Variants in SORCS3 observed in about 807,000 individuals in gnomAD.
The protein encoded by SORCS3 is VPS10 domain-containing receptor SorCS3.
Under a neutral mutation model 146.3 loss-of-function variants are expected in SORCS3, and 57 were observed. The observed-to-expected ratio is 0.39, with a 90% confidence interval of 0.31 to 0.49. The LOEUF (loss-of-function observed/expected upper bound fraction) is 0.49. SORCS3 is among the 20% of genes least tolerant of loss of function. SORCS3 has a pLI of 0.92. For synonymous variants in SORCS3, 653 were observed against 618.5 expected (o/e 1.06, Z -0.83); for missense variants, 1,341 against 1,575.5 (o/e 0.85, Z 2.52).
chr10:104,762,434 G>C (rs190738057), intron 1 of SORCS3, among the ~76,000 whole-genome samples: 4 of 152,316 alleles, frequency 2.6e-5, no homozygotes, highest in African/African-American at 7.2e-5. Context: ...GCTGGCTGCG[G>C]CATACTACTG....
intron 1 of SORCS3, among the ~76,000 whole-genome samples, chr10:104,731,378 T>C (rs2496021): frequency 0.25 from 38,525 of 152,158 alleles, 5,084 homozygotes; most frequent in South Asian, 0.33. Flanking sequence ...TTAATCTGCA[T>C]CTTCATTTAC....
In SORCS3 at chr10:105,098,078, A is replaced by G. The variant is rs575257356; in HGVS notation, c.1094-7319A>G. ...ATGAGCTTGGCACACAAGTGAAACT[A>G]TTAGCTTTGAAGACTAAACTCTAGG... On this transcript the variant is annotated intron_variant, in intron 6 of 26. Transcript: ENST00000369701. 3.3e-5 allele frequency among the ~76,000 whole-genome samples: 5 copies of G among 152,336 alleles called. No individual in the cohort carries two copies. The East Asian group carries it at 9.6e-4, about 29-fold the overall frequency.
intron 1 of SORCS3, among the ~76,000 whole-genome samples, chr10:104,840,210 A>C (rs1426207724): frequency 1.3e-5 from 2 of 152,154 alleles, no homozygotes; most frequent in African/African-American, 4.8e-5. Flanking sequence ...GAGAGGAAGG[A>C]GAAACTAAGG....
chr10:104,916,010 A>T, intron 3 of SORCS3, 78 bp downstream of exon 3: 1 of 1,082,584 alleles, frequency 9.2e-7, no homozygotes, highest in Non-Finnish European at 1.4e-6. Context: ...TAAGGAAAAA[A>T]CTCAGTTGTC....
chr10:105,212,115 C>T (rs1251758436), intron 17 of SORCS3, among the ~76,000 whole-genome samples: 1 of 152,268 alleles, frequency 6.6e-6, no homozygotes, highest in East Asian at 1.9e-4. Context: ...CTAGTTGTAA[C>T]ATAATCAGTT....
At chr10:105,107,027 G>A (rs2055826772) in intron 7 of SORCS3, among the ~76,000 whole-genome samples, 1 of 152,030 alleles carries the variant, frequency 6.6e-6, no homozygotes, top group South Asian at 2.1e-4. Context: ...AAGTCAGTGA[G>A]CTGTGACCTC....
chr10:104,854,069 C>A (rs532830792), intron 2 of SORCS3, among the ~76,000 whole-genome samples: 1 of 152,140 alleles, frequency 6.6e-6, no homozygotes, highest in Non-Finnish European at 1.5e-5. Context: ...GCTGTCTCCC[C>A]GAATAGCTTT....
chr10:104,828,018 G>A (rs1009454061), intron 1 of SORCS3, among the ~76,000 whole-genome samples: 1 of 152,190 alleles, frequency 6.6e-6, no homozygotes, highest in Non-Finnish European at 1.5e-5. Flanking sequence ...GCTTAAATGA[G>A]TGTTGTGGCT....
chr10:104,684,337 T>G (rs545946536), intron 1 of SORCS3, among the ~76,000 whole-genome samples: 1 of 152,396 alleles, frequency 6.6e-6, no homozygotes, highest in Non-Finnish European at 1.5e-5. Context: ...GGTGCTTTGC[T>G]TCATTTCTTA....
chr10:104,657,655 A>G (rs1459508770), intron 1 of SORCS3, among the ~76,000 whole-genome samples: 1 of 152,186 alleles, frequency 6.6e-6, no homozygotes, highest in East Asian at 1.9e-4. Context: ...TGGCAGGCTA[A>G]TCAGATTCCA....
At chr10:104,994,983 G>T (rs2055015581) in intron 4 of SORCS3, among the ~76,000 whole-genome samples, 1 of 152,098 alleles carries the variant, frequency 6.6e-6, no homozygotes, top group Non-Finnish European at 1.5e-5. Context: ...GATAGAGGTA[G>T]TTTCAAATTT....
chr10:105,047,631 A>T (rs1334224729), intron 5 of SORCS3, among the ~76,000 whole-genome samples: 1 of 152,128 alleles, frequency 6.6e-6, no homozygotes, highest in Non-Finnish European at 1.5e-5. Context: ...AGGCCATGTT[A>T]GGCAATGCAG....
chr10:105,262,208 C>T, intron 25 of SORCS3, 123 bp from the exon 26 acceptor site: 1 of 876,274 alleles, frequency 1.1e-6, no homozygotes, highest in Non-Finnish European at 1.8e-6. Context: ...TTACCAATAT[C>T]TTTCCCTGAC....
At chr10:104,704,118 T>A (rs1278013737) in intron 1 of SORCS3, among the ~76,000 whole-genome samples, 1 of 151,902 alleles carries the variant, frequency 6.6e-6, no homozygotes. Context: ...TGGCCAGTTT[T>A]GGATTTGTTG....
chr10:105,050,036 TACACAC>T (rs35011679), intron 5 of SORCS3, among the ~76,000 whole-genome samples: 27 of 149,318 alleles, frequency 1.8e-4, no homozygotes, highest in African/African-American at 6.1e-4. Flanking sequence ...TATATATACA[TACACAC>T]ACACACACAC....
At chr10:105,111,581 T>A (rs2055859298) in intron 7 of SORCS3, among the ~76,000 whole-genome samples, 1 of 152,244 alleles carries the variant, frequency 6.6e-6, no homozygotes, top group Admixed American at 6.5e-5. Flanking sequence ...GAAATGACCA[T>A]GCAATGTACA....
chr10:104,764,701 G>A (rs915458701), intron 1 of SORCS3, among the ~76,000 whole-genome samples: 1 of 152,140 alleles, frequency 6.6e-6, no homozygotes. Flanking sequence ...CATAGTACTG[G>A]GGTAATGTTT....
chr10:105,083,048 T>C (rs1371355957), intron 5 of SORCS3, among the ~76,000 whole-genome samples: 1 of 152,160 alleles, frequency 6.6e-6, no homozygotes, highest in Non-Finnish European at 1.5e-5. Context: ...CTATGAACTT[T>C]TTAAATGTTC....
At chr10:105,165,691 G>C (rs953843475) in intron 12 of SORCS3, among the ~76,000 whole-genome samples, 1 of 152,094 alleles carries the variant, frequency 6.6e-6, no homozygotes, top group Admixed American at 6.6e-5. Context: ...AAGGAGGGTG[G>C]AAGCTGGAAT....
Sources: gnomAD v4.1 joint callset for allele counts (sites outside exome capture counted in the v4.1 genomes callset) on GRCh38, gnomAD v4.1.1 for gene constraint, MANE v1.5 for transcripts, NCBI Gene and HGNC (gene_info 2026-07-23, HGNC 2026-07-21) for gene names.